EYA3: variants seen among roughly 807,000 people sequenced by gnomAD.
The protein encoded by EYA3 is EYA transcriptional coactivator and phosphatase 3.
EYA3 carries 39 observed loss-of-function variants against 80.0 expected under a neutral mutation model. That is an observed-to-expected ratio of 0.49 (90% CI 0.38 to 0.64). EYA3 has a LOEUF of 0.64. Among genes scored for constraint, EYA3 ranks in the 30% least tolerant of loss-of-function variants. The pLI is 0.00. For missense variants in EYA3, 523 were observed against 676.1 expected (o/e 0.77, Z 2.51); for synonymous variants, 206 against 232.8 (o/e 0.88, Z 1.05).
chr1:28,026,980 AC>A (rs1267005373), intron 7 of EYA3, among the ~76,000 whole-genome samples: 2 of 152,216 alleles, frequency 1.3e-5, no homozygotes, highest in Non-Finnish European at 2.9e-5. Context: ...CAAAGTTTAT[AC>A]ATTAAGAGTA....
chr1:28,044,435 A>T (rs1643928231), intron 3 of EYA3, among the ~76,000 whole-genome samples: 1 of 152,224 alleles, frequency 6.6e-6, no homozygotes, highest in Admixed American at 6.5e-5. Flanking sequence ...CAGTAAGCAC[A>T]CTTTAACTGT....
Position 28,048,239 on chromosome 1 carries a change from T to G in EYA3, c.77+144A>C, listed in dbSNP as rs576180617. 2.4e-5 allele frequency: 14 copies of G among 588,856 alleles called. No homozygotes were observed. The East Asian group carries it at 3.4e-4, about 14-fold the overall frequency. 36.5% of individuals were successfully genotyped at this position (588,856 alleles called of 1,614,324 possible). A position where few individuals can be genotyped will look rare whatever the true frequency, so the allele number is the denominator to read the frequency against. ...AAACTATTTGGAAAGGAAATTTTAA[T>G]CTTAAACCAAATAATTTCAAAATGT... On this transcript the variant is annotated intron_variant, in intron 3 of 17. Transcript: ENST00000373871.
intron 10 of EYA3, among the ~76,000 whole-genome samples, chr1:28,005,313 G>A (rs1220181196): frequency 6.6e-6 from 1 of 152,174 alleles, no homozygotes; most frequent in Non-Finnish European, 1.5e-5. Flanking sequence ...AGGAAGAGGA[G>A]GGAATACTTC....
At chr1:28,034,611 A>C (rs1557597054) in intron 6 of EYA3, among the ~76,000 whole-genome samples, 1 of 152,204 alleles carries the variant, frequency 6.6e-6, no homozygotes, top group Non-Finnish European at 1.5e-5. Context: ...CAGGAGCCAA[A>C]GAATTCTAAC....
At chr1:28,071,898 C>T (rs985104883) in intron 1 of EYA3, among the ~76,000 whole-genome samples, 3 of 152,140 alleles carry the variant, frequency 2.0e-5, no homozygotes, top group South Asian at 2.1e-4. Flanking sequence ...ATTCCAACTT[C>T]AAGCAACAAA....
chr1:28,034,583 C>T (rs1643342718), intron 6 of EYA3, among the ~76,000 whole-genome samples: 1 of 152,096 alleles, frequency 6.6e-6, no homozygotes, highest in Admixed American at 6.5e-5. Flanking sequence ...ATTCCCAATT[C>T]TTATTTCTAG....
At position 28,024,820 on chromosome 1, in the gene EYA3, A is replaced by T. The variant is rs1326548164; in HGVS notation, c.499+2969T>A. On this transcript the variant is annotated intron_variant, in intron 7 of 17. Coordinates refer to ENST00000373871, the MANE Select transcript of EYA3 (RefSeq NM_001990.4). ...AAAAGGATGATACTACAGAAGTCAGATCTACTCATTCAAAACATTTTTATG... is the reference window on the plus strand; with the variant it reads ...AAAAGGATGATACTACAGAAGTCAGTTCTACTCATTCAAAACATTTTTATG... Among the ~76,000 whole-genome samples the T allele has an allele frequency of 6.6e-5, 10 of 152,314 alleles. No homozygotes were observed. In the Middle Eastern group the frequency reaches 0.01, roughly 155 times the overall value.
chr1:28,047,292 C>T (rs1051686262), intron 3 of EYA3, among the ~76,000 whole-genome samples: 4 of 152,122 alleles, frequency 2.6e-5, no homozygotes, highest in African/African-American at 9.6e-5. Context: ...GTCACCACGC[C>T]GAGCTAATTT....
chr1:28,083,845 A>G (rs1198674425), intron 1 of EYA3, among the ~76,000 whole-genome samples: 1 of 152,244 alleles, frequency 6.6e-6, no homozygotes, highest in African/African-American at 2.4e-5. Flanking sequence ...AGCCTGGTAC[A>G]ATATTACCTA....
chr1:27,993,465 C>T lies in EYA3; in HGVS notation c.1238G>A (p.Arg413Lys). 6.2e-7 allele frequency: 1 copy of T among 1,613,470 alleles called. No homozygotes were observed. Residue 413 changes from arginine to lysine, a missense_variant, in exon 14 of 18, where the codon AGG becomes AAG. Arg to Lys is a conservative substitution (Grantham distance 26). Coordinates refer to ENST00000373871, the MANE Select transcript of EYA3 (RefSeq NM_001990.4). Reference protein sequence around the residue: ...VGVQGGVDWMRKLAFRYRKVR... With the variant: ...VGVQGGVDWMKKLAFRYRKVR... Reference sequence around the variant, plus strand: ...TTTCCGGTAGCGGAAAGCTAGTTTCCTCATCCAGTCCACACCTCCCTGAAC... The same window carrying T: ...TTTCCGGTAGCGGAAAGCTAGTTTCTTCATCCAGTCCACACCTCCCTGAAC...
intron 5 of EYA3, 53 bp downstream of exon 5, chr1:28,038,786 C>T: frequency 2.0e-6 from 2 of 1,009,446 alleles, no homozygotes; most frequent in African/African-American, 1.6e-5. Flanking sequence ...TTAAATTTTG[C>T]AATGAATCTA....
chr1:28,050,178 A>AT (rs1644184725), intron 2 of EYA3, among the ~76,000 whole-genome samples: 1 of 114,310 alleles, frequency 8.7e-6, no homozygotes, highest in Non-Finnish European at 1.8e-5. Flanking sequence ...CTTTTTATTT[A>AT]TTATTATTAT....
intron 8 of EYA3, among the ~76,000 whole-genome samples, chr1:28,014,711 G>A (rs1641927375): frequency 6.8e-6 from 1 of 147,318 alleles, no homozygotes. Flanking sequence ...CTGGGCAACA[G>A]AGCAAGACTC....
At chr1:28,038,961 T>C in intron 4 of EYA3, 56 bp from the exon 5 acceptor site, 6 of 1,118,218 alleles carry the variant, frequency 5.4e-6, no homozygotes, top group Non-Finnish European at 8.1e-6. Context: ...GAAAATGGAA[T>C]GGGAAAACTG....
Position 27,989,776 on chromosome 1 carries a change from T to C in EYA3, c.1339A>G (p.Arg447Gly). The C allele has an allele frequency of 6.2e-7, 1 of 1,611,532 alleles. No homozygotes were observed. Among genetic ancestry groups the C allele is most frequent in the Non-Finnish European group, 8.5e-7 (1 of 1,178,668 alleles). Residue 447 changes from arginine (R) to glycine (G), a missense_variant, in exon 15 of 18, where the codon AGA becomes GGA. By Grantham distance (125) the Arg-to-Gly change is moderately radical. Around this residue, in one of 2 missense-constraint regions of EYA3, gnomAD observed 219 missense variants for 332.8 expected, o/e 0.66. Transcript: ENST00000373871. Reference sequence around the variant, plus strand: ...AAAACTTCAATTTCTGCTCTTAATCTCTGCAGTGCTTCCTTCCTCTGGGGA... The same window carrying C: ...AAAACTTCAATTTCTGCTCTTAATCCCTGCAGTGCTTCCTTCCTCTGGGGA... The part of the protein sequence containing the change: ...LSPQRKEALQ[R>G]LRAEIEVLTD...
At chr1:28,039,074 A>G (rs1457782207) in intron 4 of EYA3, among the ~76,000 whole-genome samples, 169 bp from the exon 5 acceptor site, 1 of 152,206 alleles carries the variant, frequency 6.6e-6, no homozygotes, top group African/African-American at 2.4e-5. Context: ...TTGTTTATAC[A>G]TGTGTTTATA....
rs148836423 is a variant in EYA3 at position 28,018,190 on chromosome 1, T to C, written c.500-951A>G. Among the ~76,000 whole-genome samples, 690 of 151,108 alleles carry C rather than the reference T, an allele frequency of 4.6e-3. 5 individuals carry two copies. The highest frequency in any genetic ancestry group is 0.016 in the African/African-American group (660 of 41,114). On this transcript the variant is annotated intron_variant, in intron 7 of 17. Transcript: ENST00000373871. ...CAGCCTGGGTGACAGAGCAAGACTC[T>C]GTCTCAAAAAAAAAGAAAAGAAAAA...
intron 1 of EYA3, among the ~76,000 whole-genome samples, chr1:28,074,977 G>C (rs1209646481): frequency 6.6e-6 from 1 of 152,110 alleles, no homozygotes; most frequent in Non-Finnish European, 1.5e-5. Flanking sequence ...TTTGTGATCA[G>C]CTAATGACTG....
intron 3 of EYA3, among the ~76,000 whole-genome samples, chr1:28,047,715 C>T (rs1238726273): frequency 2.0e-5 from 3 of 151,204 alleles, no homozygotes; most frequent in Admixed American, 6.6e-5. Flanking sequence ...CTCAGCTCAC[C>T]GCAAGCTCCA....
Sources: gnomAD v4.1 joint callset for allele counts (sites outside exome capture counted in the v4.1 genomes callset) on GRCh38, gnomAD v4.1.1 for gene constraint, gnomAD v4.1.1 regional missense constraint, MANE v1.5 for transcripts, NCBI Gene and HGNC (gene_info 2026-07-23, HGNC 2026-07-21) for gene names.